The following MYO5C variants were observed in gnomAD, a reference collection of about 807,000 sequenced individuals.
The protein encoded by MYO5C is myosin VC.
A neutral mutation model predicts 235.7 loss-of-function variants in MYO5C; 194 were observed. The ratio of observed to expected loss-of-function variants is 0.82; its 90% CI spans 0.73 to 0.93. The LOEUF is 0.93. Among genes scored for constraint, MYO5C ranks in the 40% least tolerant of loss-of-function variants. MYO5C has a pLI of 0.00. For synonymous variants in MYO5C, 707 were observed against 754.8 expected, an observed-to-expected ratio of 0.94 and a Z score of 1.04; for missense variants, 2,038 against 2,127.2, an observed-to-expected ratio of 0.96 and a Z score of 0.82.
intron 8 of MYO5C, 39 bp downstream of exon 8, chr15:52,269,714 G>A: frequency 4.7e-6 from 6 of 1,288,070 alleles, no homozygotes; most frequent in South Asian, 1.3e-5. Context: ...TTTTTTAAGA[G>A]AAAATGGCTA....
At chr15:52,249,257 A>G (rs2036420491) in intron 13 of MYO5C, among the ~76,000 whole-genome samples, 3 of 152,184 alleles carry the variant, frequency 2.0e-5, no homozygotes. Flanking sequence ...AGCCCTCAGA[A>G]TCAGGTTTAG....
chr15:52,240,785 G>C (rs547277152), intron 20 of MYO5C, among the ~76,000 whole-genome samples: 2 of 152,196 alleles, frequency 1.3e-5, no homozygotes, highest in South Asian at 4.1e-4. Flanking sequence ...GAGTTAGCCA[G>C]AATGAAACCC....
rs138410931 is a variant in MYO5C at position 52,283,011 on chromosome 15, G to A, written c.28-119C>T. ...AGGTCAGCTCCTTCATGAGGAATAC[G>A]TCTACCTAATTTTGCTTATGAGGTG... On this transcript the variant is annotated intron_variant, in intron 1 of 40. Transcript: ENST00000261839. The A allele has an allele frequency of 1.0e-3, 706 of 692,018 alleles. 1 individual carries two copies. The African/African-American group carries it at 0.011, about 11-fold the overall frequency. The allele number at this position is 692,018 out of a possible 1,614,324, so 42.9% of individuals were successfully genotyped here.
chr15:52,241,250 CTTTTTTTTTTTTT>C (rs71130143), intron 20 of MYO5C, among the ~76,000 whole-genome samples: 1 of 59,578 alleles, frequency 1.7e-5, no homozygotes, highest in African/African-American at 6.9e-5. Flanking sequence ...GTGGGCTAAT[CTTTTTTTTTTTTT>C]TTTTTTTTTT....
chr15:52,247,603 C>A lies in MYO5C; in HGVS notation c.1747-11G>T, dbSNP rs562405720. The stretch of plus-strand genomic sequence containing the variant: ...GGCACAGAGATGAAACTGGAAGGAA[C>A]AGAGAGGATCTCAATGTCCAAAAGC... On this transcript the variant is annotated splice_polypyrimidine_tract_variant and intron_variant, in intron 14 of 40. Coordinates refer to ENST00000261839, the MANE Select transcript of MYO5C (RefSeq NM_018728.4). 6.2e-6 allele frequency: 10 copies of A among 1,613,464 alleles called. No individual in the cohort carries two copies. The highest frequency in any genetic ancestry group is 8.5e-6 in the Non-Finnish European group (10 of 1,179,718).
intron 5 of MYO5C, among the ~76,000 whole-genome samples, chr15:52,274,680 C>T (rs897882771): frequency 8.8e-5 from 13 of 148,334 alleles, no homozygotes; most frequent in Non-Finnish European, 1.5e-4. Context: ...ACCCCCCCCC[C>T]GACATATGTT....
chr15:52,278,206 G>A (rs1473734994), intron 4 of MYO5C, among the ~76,000 whole-genome samples: 2 of 152,184 alleles, frequency 1.3e-5, no homozygotes, highest in African/African-American at 2.4e-5. Flanking sequence ...ATAGTTATGG[G>A]AAAAATAAAC....
Position 52,269,781 on chromosome 15 carries a change from T to C in MYO5C, c.912A>G (p.Val304=). Residue 304 remains valine, a synonymous_variant, in exon 8 of 41, where the codon GTA becomes GTG. Coordinates refer to ENST00000261839, the MANE Select transcript of MYO5C (RefSeq NM_018728.4). ...IEGVNDRAEM[V]ETQKTFTLLG... is the part of the protein sequence containing the mutation. ...GAAGCGTGAAGGTCTTTTGAGTCTCTACCATTTCAGCTCGATCATTCACAC... is the reference window on the plus strand; with the variant it reads ...GAAGCGTGAAGGTCTTTTGAGTCTCCACCATTTCAGCTCGATCATTCACAC... 2.5e-6 allele frequency: 4 copies of C among 1,613,272 alleles called. No homozygotes were observed. The highest frequency in any genetic ancestry group is 3.4e-6 in the Non-Finnish European group (4 of 1,179,330).
chr15:52,282,586 G>T (rs1447381187), intron 2 of MYO5C, among the ~76,000 whole-genome samples, 196 bp downstream of exon 2: 1 of 152,210 alleles, frequency 6.6e-6, no homozygotes, highest in African/African-American at 2.4e-5. Flanking sequence ...ATGCAGGGCA[G>T]CACAGGGGCG....
intron 7 of MYO5C, among the ~76,000 whole-genome samples, chr15:52,271,375 C>T (rs1452227714): frequency 1.3e-5 from 2 of 151,970 alleles, no homozygotes; most frequent in African/African-American, 4.8e-5. Flanking sequence ...ACTACAGGTG[C>T]GTGCCACCAC....
At chr15:52,238,032 A>T (rs1382740463) in intron 21 of MYO5C, among the ~76,000 whole-genome samples, 1 of 152,114 alleles carries the variant, frequency 6.6e-6, no homozygotes, top group Non-Finnish European at 1.5e-5. Flanking sequence ...CCTCAGGGTG[A>T]GCCCTAGTCC....
At chr15:52,265,691 A>G (rs2036794149) in intron 8 of MYO5C, among the ~76,000 whole-genome samples, 3 of 151,972 alleles carry the variant, frequency 2.0e-5, no homozygotes, top group African/African-American at 7.3e-5. Context: ...AATGTGCGCC[A>G]CCACGCCCAG....
At position 52,225,064 on chromosome 15, in the gene MYO5C, A is replaced by C. The variant is rs1404915960; in HGVS notation, c.3365+11T>G. 7 of 1,614,074 alleles carry C rather than the reference A, an allele frequency of 4.3e-6. No individual in the cohort carries two copies. The highest frequency in any genetic ancestry group is 5.9e-6 in the Non-Finnish European group (7 of 1,179,962). On this transcript the variant is annotated intron_variant, in intron 27 of 40. Coordinates refer to ENST00000261839, the MANE Select transcript of MYO5C (RefSeq NM_018728.4). ...ATGTCTTAAAATGTTTGATAATGCAAAAATGATTACCTGCTTCTTACATCT... is the reference window on the plus strand; with the variant it reads ...ATGTCTTAAAATGTTTGATAATGCACAAATGATTACCTGCTTCTTACATCT...
At chr15:52,283,921 T>G (rs2037210233) in intron 1 of MYO5C, among the ~76,000 whole-genome samples, 1 of 152,088 alleles carries the variant, frequency 6.6e-6, no homozygotes, top group Admixed American at 6.5e-5. Flanking sequence ...GCGATCCACC[T>G]GCCTCAGCCT....
At chr15:52,293,587 C>T (rs1041064545) in intron 1 of MYO5C, among the ~76,000 whole-genome samples, 2 of 152,152 alleles carry the variant, frequency 1.3e-5, no homozygotes, top group Non-Finnish European at 2.9e-5. Flanking sequence ...CCTGCTGTCT[C>T]TCATACAGAC....
rs946295820 is a variant in MYO5C, at chr15:52,208,767, A to G, written c.4297-124T>C. 1.0e-5 allele frequency: 7 copies of G among 667,826 alleles called. No homozygotes were observed. In the Middle Eastern group the frequency reaches 2.1e-3, roughly 197 times the overall value. 41.4% of individuals were successfully genotyped at this position (667,826 alleles called of 1,614,324 possible). A position where few individuals can be genotyped will look rare whatever the true frequency, so the allele number is the denominator to read the frequency against. Reference sequence around the variant, plus strand: ...TTTTCTTTTATTCACTAAAGCCTTTATCCAATTCATATTATACTTATAAGA... The same window carrying G: ...TTTTCTTTTATTCACTAAAGCCTTTGTCCAATTCATATTATACTTATAAGA... On this transcript the variant is annotated intron_variant, in intron 35 of 40. Transcript: ENST00000261839.
At chr15:52,291,731 G>GTTTTTTTTTTTGTTTTTTTT (rs2037392525) in intron 1 of MYO5C, among the ~76,000 whole-genome samples, 7 of 52,562 alleles carry the variant, frequency 1.3e-4, no homozygotes, top group African/African-American at 4.2e-4. Context: ...CATATTTTAT[G>GTTTTTTTTTTTGTTTTTTTT]TTTTTTTTTT....
chr15:52,262,183 T>C (rs2140827774), intron 9 of MYO5C, among the ~76,000 whole-genome samples: 1 of 152,336 alleles, frequency 6.6e-6, no homozygotes, highest in Admixed American at 6.5e-5. Context: ...AAAAGTCAGA[T>C]GGCTTTGTCC....
chr15:52,279,023 G>A lies in MYO5C; in HGVS notation c.305-6C>T, dbSNP rs764042603. 1.9e-6 allele frequency: 3 copies of A among 1,609,672 alleles called. No homozygotes were observed. The highest frequency in any genetic ancestry group is 2.5e-6 in the Non-Finnish European group (3 of 1,176,752). ...CATGGCCACCAAAATGATTCCTGGG[G>A]AAAGATGTTAGATGCAGTTAAAATA... On this transcript the variant is annotated splice_region_variant and splice_polypyrimidine_tract_variant and intron_variant, in intron 3 of 40. Transcript: ENST00000261839.
Sources: gnomAD v4.1 joint callset for allele counts (sites outside exome capture counted in the v4.1 genomes callset) on GRCh38, gnomAD v4.1.1 for gene constraint, MANE v1.5 for transcripts, NCBI Gene and HGNC (gene_info 2026-07-23, HGNC 2026-07-21) for gene names.